The following ZNF365 variants were observed in gnomAD, a reference collection of about 807,000 sequenced individuals.
The protein encoded by ZNF365 is zinc finger protein 365, also known as protein ZNF365.
Under a neutral mutation model 35.0 loss-of-function variants are expected in ZNF365, and 22 were observed. That is an observed-to-expected ratio of 0.63 (90% confidence interval 0.45 to 0.90). The LOEUF (loss-of-function observed/expected upper bound fraction) is 0.90. Among genes scored for constraint, ZNF365 ranks in the 40% least tolerant of loss-of-function variants. The pLI is 0.00. For synonymous variants in ZNF365, 188 were observed against 196.2 expected (o/e 0.96, Z 0.35); for missense variants, 448 against 500.3 (o/e 0.90, Z 1.00).
intron 3 of ZNF365, among the ~76,000 whole-genome samples, chr10:62,429,350 T>C (rs1840300810): frequency 6.6e-6 from 1 of 152,258 alleles, no homozygotes; most frequent in African/African-American, 2.4e-5. Flanking sequence ...AAAGTGGTTT[T>C]CATTATATTA....
At chr10:62,407,460 G>A (rs1047328485) in intron 3 of ZNF365, among the ~76,000 whole-genome samples, 3 of 152,180 alleles carry the variant, frequency 2.0e-5, no homozygotes, top group African/African-American at 7.2e-5. Context: ...ACTAAAGAAT[G>A]CGGTTCCCAC....
intron 3 of ZNF365, among the ~76,000 whole-genome samples, chr10:62,420,759 G>C (rs1436427449): frequency 2.7e-5 from 4 of 147,216 alleles, no homozygotes; most frequent in African/African-American, 7.4e-5. Flanking sequence ...CTTCTAGAAT[G>C]GTTTCTGTTT....
chr10:62,422,587 G>A (rs1840187878), intron 3 of ZNF365, among the ~76,000 whole-genome samples: 1 of 152,158 alleles, frequency 6.6e-6, no homozygotes, highest in South Asian at 2.1e-4. Context: ...ATGGAGCTGT[G>A]AGAAAACCCA....
At position 62,400,112 on chromosome 10, in the gene ZNF365, A is replaced by G. The variant is rs1016201767; in HGVS notation, c.*323A>G. On this transcript the variant is annotated 3_prime_UTR_variant, in exon 5 of 5. Coordinates refer to ENST00000395254, the MANE Select transcript of ZNF365 (RefSeq NM_014951.3). ...CTGGGCTTCTATGCAGTGGTCACTA[A>G]TTTTCAGGACCAAGGCCACACAAAA... is the stretch of plus-strand genomic sequence containing the variant. 44 of 1,067,920 alleles carry G rather than the reference A, an allele frequency of 4.1e-5. No individual in the cohort carries two copies. The highest frequency in any genetic ancestry group is 4.9e-5 in the Non-Finnish European group (43 of 881,308). The allele number at this position is 1,067,920 out of a possible 1,614,324, so 66.2% of individuals were successfully genotyped here.
At chr10:62,415,794 A>G (rs1463277880) in intron 3 of ZNF365, among the ~76,000 whole-genome samples, 1 of 152,128 alleles carries the variant, frequency 6.6e-6, no homozygotes, top group Non-Finnish European at 1.5e-5. Flanking sequence ...TTTAGTTTTA[A>G]CAGCAGTCTG....
chr10:62,385,960 C>A (rs528583126), intron 2 of ZNF365, among the ~76,000 whole-genome samples: 1 of 152,108 alleles, frequency 6.6e-6, no homozygotes, highest in Admixed American at 6.5e-5. Context: ...ACAGTTGCAT[C>A]ATTCAGTTAT....
At chr10:62,422,269 G>A (rs1442981024) in intron 3 of ZNF365, among the ~76,000 whole-genome samples, 1 of 152,130 alleles carries the variant, frequency 6.6e-6, no homozygotes, top group Non-Finnish European at 1.5e-5. Context: ...GGGTAGACTG[G>A]GAAATGTGAT....
chr10:62,421,390 G>T (rs538693871), intron 3 of ZNF365, among the ~76,000 whole-genome samples: 70 of 152,180 alleles, frequency 4.6e-4, no homozygotes, highest in African/African-American at 1.6e-3. Context: ...ATCTTTTTAG[G>T]GATTACTTCT....
At chr10:62,405,065 G>A (rs568863168), downstream of ZNF365, among the ~76,000 whole-genome samples, 9 of 152,272 alleles carry the variant, frequency 5.9e-5, no homozygotes, top group African/African-American at 1.9e-4. Context: ...GTGCTTCTTG[G>A]AACGGAAGCA....
intron 3 of ZNF365, among the ~76,000 whole-genome samples, chr10:62,428,741 C>T (rs909168262): frequency 6.6e-6 from 1 of 152,148 alleles, no homozygotes; most frequent in Non-Finnish European, 1.5e-5. Context: ...TTAACAACCC[C>T]ATACTGAGTA....
At chr10:62,471,709 C>T (rs532982823) in intron 4 of ZNF365, among the ~76,000 whole-genome samples, 8 of 152,284 alleles carry the variant, frequency 5.3e-5, no homozygotes, top group Non-Finnish European at 2.9e-5. Context: ...TGATTATTCT[C>T]TAATTTCCTG....
intron 1 of ZNF365, chr10:62,375,663 G>A (rs1171404097): frequency 6.2e-6 from 1 of 160,668 alleles, no homozygotes; most frequent in Non-Finnish European, 1.4e-5. Flanking sequence ...ATATGTTCTT[G>A]TGTTCACGCA....
intron 3 of ZNF365, among the ~76,000 whole-genome samples, chr10:62,445,840 C>T (rs1019680441): frequency 2.6e-5 from 4 of 152,134 alleles, no homozygotes; most frequent in South Asian, 2.1e-4. Context: ...TCATTGGCCT[C>T]GGTCAGACCA....
At chr10:62,440,624 G>T (rs1914184) in intron 3 of ZNF365, among the ~76,000 whole-genome samples, 74,873 of 151,960 alleles carry the variant, frequency 0.49, 20,187 homozygotes, top group Non-Finnish European at 0.61. Context: ...ATAGAGAATT[G>T]TAAGTTCCTT....
intron 4 of ZNF365, among the ~76,000 whole-genome samples, chr10:62,465,623 C>T (rs1840929802): frequency 1.3e-5 from 2 of 152,174 alleles, no homozygotes; most frequent in Admixed American, 1.3e-4. Flanking sequence ...CAGACACTCA[C>T]TGGGACAACC....
Position 62,376,418 on chromosome 10 carries a change from T to G in ZNF365, c.225T>G (p.Thr75=), listed in dbSNP as rs1839330175. ...FPSLKDTDLV[T]SSELLKPGKL... ...CCCTCAAAGACACAGACCTAGTCACTTCCTCAGAACTCCTGAAACCGGGAA... is the reference window on the plus strand; with the variant it reads ...CCCTCAAAGACACAGACCTAGTCACGTCCTCAGAACTCCTGAAACCGGGAA... Residue 75 remains threonine, a synonymous_variant, in exon 2 of 5, where the codon ACT becomes ACG. Coordinates refer to ENST00000395254, the MANE Select transcript of ZNF365 (RefSeq NM_014951.3). The G allele has an allele frequency of 6.2e-7, 1 of 1,614,058 alleles. No homozygotes were observed. Among genetic ancestry groups the G allele is most frequent in the African/African-American group, 1.3e-5 (1 of 74,920 alleles).
chr10:62,376,496 G>A lies in ZNF365; in HGVS notation c.303G>A (p.Leu101=), dbSNP rs1431056232. 3 of 1,614,008 alleles carry A rather than the reference G, an allele frequency of 1.9e-6. No individual in the cohort carries two copies. The highest frequency in any genetic ancestry group is 1.7e-5 in the Admixed American group (1 of 60,000). The change falls in exon 2 of 5, where the codon TTG becomes TTA. Residue 101 remains leucine, a synonymous_variant. Coordinates refer to ENST00000395254, the MANE Select transcript of ZNF365 (RefSeq NM_014951.3). ...VVKQKPSYVN[L]YSISHEHSKD... Reference sequence around the variant, plus strand: ...AGCAGAAACCGAGCTATGTTAACTTGTACAGCATTTCACATGAACATTCCA... The same window carrying A: ...AGCAGAAACCGAGCTATGTTAACTTATACAGCATTTCACATGAACATTCCA...
At chr10:62,378,598 G>A (rs1291686049) in intron 2 of ZNF365, among the ~76,000 whole-genome samples, 1 of 152,182 alleles carries the variant, frequency 6.6e-6, no homozygotes, top group Non-Finnish European at 1.5e-5. Flanking sequence ...AATTATATGT[G>A]TAAAAGTAGC....
At chr10:62,431,600 G>A (rs932736664) in intron 3 of ZNF365, among the ~76,000 whole-genome samples, 2 of 152,094 alleles carry the variant, frequency 1.3e-5, no homozygotes, top group Non-Finnish European at 2.9e-5. Context: ...CCAATGCCAC[G>A]ATGCAGATCT....
Sources: gnomAD v4.1 joint callset for allele counts (sites outside exome capture counted in the v4.1 genomes callset) on GRCh38, gnomAD v4.1.1 for gene constraint, MANE v1.5 for transcripts, NCBI Gene and HGNC (gene_info 2026-07-23, HGNC 2026-07-21) for gene names.